Variants in MGA observed in about 807,000 individuals in gnomAD.
MGA encodes MAX gene-associated protein.
MGA carries 40 observed loss-of-function variants against 261.1 expected under a neutral mutation model. The ratio of observed to expected loss-of-function variants is 0.15; its 90% CI spans 0.12 to 0.20. The LOEUF (loss-of-function observed/expected upper bound fraction) is 0.20. Among genes scored for constraint, MGA ranks in the 10% least tolerant of loss-of-function variants. The pLI, the probability that MGA is intolerant of heterozygous loss-of-function variation, is 1.00. For missense variants in MGA, 3,397 were observed against 3,630.5 expected, an observed-to-expected ratio of 0.94 and a Z score of 1.65; for synonymous variants, 1,302 against 1,290.6, an observed-to-expected ratio of 1.01 and a Z score of -0.19.
chr15:41,641,386 C>T (rs951758042), intron 1 of MGA, among the ~76,000 whole-genome samples: 88 of 151,658 alleles, frequency 5.8e-4, no homozygotes, highest in African/African-American at 2.1e-3. Context: ...TATCTCCATG[C>T]TTAACTTCTC....
At position 41,710,641 on chromosome 15, in the gene MGA, A is replaced by G. The variant is rs1299793636; in HGVS notation, c.2426-50A>G. ...ATTTTTAGTGTTTTTATGGAGATTCATAAATCTGTCCTAGATTTCTTTAAG... is the reference window on the plus strand; with the variant it reads ...ATTTTTAGTGTTTTTATGGAGATTCGTAAATCTGTCCTAGATTTCTTTAAG... On this transcript the variant is annotated intron_variant, in intron 7 of 23. Transcript: ENST00000219905. 5 of 1,494,546 alleles carry G rather than the reference A, an allele frequency of 3.3e-6. No individual in the cohort carries two copies. The East Asian group carries it at 1.1e-4, about 34-fold the overall frequency. The allele number at this position is 1,494,546 out of a possible 1,614,324, so 92.6% of individuals were successfully genotyped here.
intron 12 of MGA, 91 bp downstream of exon 12, chr15:41,734,685 A>G (rs1380782043): frequency 9.3e-6 from 9 of 970,248 alleles, no homozygotes; most frequent in Non-Finnish European, 1.4e-5. Flanking sequence ...CCATCAATTC[A>G]GAATATGTCT....
intron 1 of MGA, among the ~76,000 whole-genome samples, chr15:41,663,619 A>G (rs1400690209): frequency 6.6e-6 from 1 of 151,834 alleles, no homozygotes; most frequent in Non-Finnish European, 1.5e-5. Context: ...ACAGGTGCGC[A>G]ACACGACGCC....
At chr15:41,710,545 G>A in intron 7 of MGA, 146 bp from the exon 8 acceptor site, 4 of 795,160 alleles carry the variant, frequency 5.0e-6, no homozygotes, top group Non-Finnish European at 7.8e-6. Context: ...GGGATTACAG[G>A]TGGGAGTCAC....
At chr15:41,739,204 C>T (rs1169673920) in intron 13 of MGA, among the ~76,000 whole-genome samples, 1 of 152,078 alleles carries the variant, frequency 6.6e-6, no homozygotes, top group African/African-American at 2.4e-5. Context: ...CTGATAAACT[C>T]AGGCAGCAGA....
intron 22 of MGA, among the ~76,000 whole-genome samples, chr15:41,762,715 C>T (rs890667314): frequency 2.0e-5 from 3 of 151,944 alleles, no homozygotes; most frequent in South Asian, 4.2e-4. Flanking sequence ...GTGATCCACC[C>T]GCCTTGGCCT....
intron 2 of MGA, among the ~76,000 whole-genome samples, chr15:41,689,168 A>G (rs2059127065): frequency 6.6e-6 from 1 of 152,108 alleles, no homozygotes; most frequent in Admixed American, 6.6e-5. Flanking sequence ...ATGCACTTAT[A>G]TTTGATGTCC....
In MGA at chr15:41,698,952, A is replaced by G; in HGVS notation, c.2092+11A>G. The G allele has an allele frequency of 6.5e-7, 1 of 1,548,086 alleles. No individual in the cohort carries two copies. Among genetic ancestry groups the G allele is most frequent in the Non-Finnish European group, 8.7e-7 (1 of 1,144,064 alleles). ...CCACAAATGACTCAGGTATTATAAAATAGTATAAAAAGAGTTGTATTTGTG... is the reference window on the plus strand; with the variant it reads ...CCACAAATGACTCAGGTATTATAAAGTAGTATAAAAAGAGTTGTATTTGTG... On this transcript the variant is annotated intron_variant, in intron 4 of 23. Coordinates refer to ENST00000219905, the MANE Select transcript of MGA (RefSeq NM_001164273.2).
intron 15 of MGA, among the ~76,000 whole-genome samples, chr15:41,746,687 G>A (rs1287837333): frequency 4.6e-5 from 7 of 150,666 alleles, no homozygotes; most frequent in South Asian, 4.2e-4. Context: ...TCATCTAAAT[G>A]TTATGACCAT....
At chr15:41,644,346 CAAAAAAAAAAAAAAA>C (rs34743222) in intron 1 of MGA, among the ~76,000 whole-genome samples, 1 of 65,696 alleles carries the variant, frequency 1.5e-5, no homozygotes, top group Admixed American at 2.0e-4. Flanking sequence ...CCATCTGTAC[CAAAAAAAAAAAAAAA>C]AAAAAAAAAG....
upstream of MGA, among the ~76,000 whole-genome samples, chr15:41,659,302 T>C (rs2150790380): frequency 6.6e-6 from 1 of 152,254 alleles, no homozygotes; most frequent in African/African-American, 2.4e-5. Flanking sequence ...ATCAGTAGTG[T>C]TGGATAAGCC....
chr15:41,729,152 T>C lies in MGA; in HGVS notation c.3658-12T>C. On this transcript the variant is annotated splice_polypyrimidine_tract_variant and intron_variant, in intron 10 of 23. Coordinates refer to ENST00000219905, the MANE Select transcript of MGA (RefSeq NM_001164273.2). The stretch of plus-strand genomic sequence containing the variant: ...CCACTGTATGGAATATTTTGTTGTA[T>C]GAAATTTACAGATTCGGGAAGAGGA... 1 of 1,611,480 alleles carries C rather than the reference T, an allele frequency of 6.2e-7. No individual in the cohort carries two copies. The highest frequency in any genetic ancestry group is 8.5e-7 in the Non-Finnish European group (1 of 1,178,604).
rs1181522037 is a variant in MGA at position 41,642,441 on chromosome 15, C to G, written c.-68+21143C>G. Among the ~76,000 whole-genome samples, 3 of 151,336 alleles carry G rather than the reference C, an allele frequency of 2.0e-5. No individual in the cohort carries two copies. The East Asian group carries it at 5.8e-4, about 29-fold the overall frequency. ...TCTCCTGCCTCAGCCCCCCAAGTAG[C>G]TGGGATTACAGGTGCCCGCCACTAC... is the stretch of plus-strand genomic sequence containing the variant. On this transcript the variant is annotated intron_variant, in intron 1 of 8. Transcript: ENST00000566718.
chr15:41,731,629 A>G (rs1365361336), intron 11 of MGA, among the ~76,000 whole-genome samples: 1 of 152,204 alleles, frequency 6.6e-6, no homozygotes, highest in Non-Finnish European at 1.5e-5. Flanking sequence ...TAAAATACCC[A>G]TGAATGAATT....
intron 9 of MGA, chr15:41,718,550 T>C: frequency 2.3e-6 from 1 of 437,890 alleles, no homozygotes. Context: ...AGATCTCACC[T>C]TCCTGGTGTC....
In MGA at chr15:41,766,920, T is replaced by G; in HGVS notation, c.8838T>G (p.Asp2946Glu). ...TCCTTTCCAACAAGAAAGCTATTGA[T>G]GGAGGGAAGAATACTTCTGGCCTCC... The change falls in exon 24 of 24, where the codon GAT (aspartate) becomes GAG (glutamate). Residue 2946 changes from aspartate (D) to glutamate (E), a missense_variant. Coordinates refer to ENST00000219905, the MANE Select transcript of MGA (RefSeq NM_001164273.2). 3 of 1,614,028 alleles carry G rather than the reference T, an allele frequency of 1.9e-6. No individual in the cohort carries two copies.
intron 1 of MGA, among the ~76,000 whole-genome samples, chr15:41,636,521 C>T (rs909226605): frequency 6.2e-5 from 9 of 146,316 alleles, no homozygotes; most frequent in Non-Finnish European, 1.3e-4. Context: ...AGTACAGTGG[C>T]GGGATCTCGG....
At chr15:41,638,770 A>C (rs190371410) in intron 1 of MGA, among the ~76,000 whole-genome samples, 25 of 146,724 alleles carry the variant, frequency 1.7e-4, no homozygotes, top group Admixed American at 1.6e-3. Flanking sequence ...GGCTCACTGC[A>C]ACCTCTGCCT....
At chr15:41,650,208 C>T (rs903896191) in intron 1 of MGA, among the ~76,000 whole-genome samples, 2 of 152,146 alleles carry the variant, frequency 1.3e-5, no homozygotes, top group African/African-American at 4.8e-5. Context: ...GGAATCATGT[C>T]TTTGCGTTCC....
Sources: gnomAD v4.1 joint callset for allele counts (sites outside exome capture counted in the v4.1 genomes callset) on GRCh38, gnomAD v4.1.1 for gene constraint, MANE v1.5 for transcripts, NCBI Gene and HGNC (gene_info 2026-07-23, HGNC 2026-07-21) for gene names.